The following RB1CC1 variants were observed in gnomAD, a reference collection of about 807,000 sequenced individuals.
RB1CC1 encodes the protein RB1 inducible coiled-coil 1, also known as RB1-inducible coiled-coil protein 1.
A neutral mutation model predicts 177.5 loss-of-function variants in RB1CC1; 46 were observed. The observed-to-expected ratio is 0.26, with a 90% CI of 0.20 to 0.33. RB1CC1 has a LOEUF of 0.33. Among genes scored for constraint, RB1CC1 ranks in the 10% least tolerant of loss-of-function variants. RB1CC1 has a pLI of 1.00. For synonymous variants in RB1CC1, 666 were observed against 613.6 expected (o/e 1.09, Z -1.26); for missense variants, 1,703 against 1,816.3 (o/e 0.94, Z 1.13).
chr8:52,667,934 G>T lies in RB1CC1; in HGVS notation c.1173+87C>A, dbSNP rs1852214436. On this transcript the variant is annotated intron_variant, in intron 8 of 23. Transcript: ENST00000025008. ...ATATTCAAGGAAAAAGTGAAAATAT[G>T]GTGCACACCAAATTGATACTGCATA... 5 of 1,264,808 alleles carry T rather than the reference G, an allele frequency of 4.0e-6. No individual in the cohort carries two copies. The South Asian group carries it at 6.8e-5, about 17-fold the overall frequency. 78.3% of individuals were successfully genotyped at this position (1,264,808 alleles called of 1,614,324 possible). A position where few individuals can be genotyped will look rare whatever the true frequency, so the allele number is the denominator to read the frequency against.
At position 52,628,117 on chromosome 8, in the gene RB1CC1, A is replaced by G; in HGVS notation, c.4551T>C (p.Asn1517=). The G allele has an allele frequency of 6.2e-7, 1 of 1,607,926 alleles. No individual in the cohort carries two copies. The highest frequency in any genetic ancestry group is 8.5e-7 in the Non-Finnish European group (1 of 1,175,034). ...TAGGACTAACAGTAAATAACACATAATTGTCATGGCGTTCGTCTAGGATGA... is the reference window on the plus strand; with the variant it reads ...TAGGACTAACAGTAAATAACACATAGTTGTCATGGCGTTCGTCTAGGATGA... ...VLIILDERHD[N]YVLFTVSPTL... Residue 1517 remains asparagine, a synonymous_variant, in exon 22 of 24, where the codon AAT becomes AAC. Coordinates refer to ENST00000025008, the MANE Select transcript of RB1CC1 (RefSeq NM_014781.5).
intron 5 of RB1CC1, among the ~76,000 whole-genome samples, chr8:52,679,890 G>A (rs1337085995): frequency 6.6e-6 from 1 of 152,078 alleles, no homozygotes; most frequent in African/African-American, 2.4e-5. Context: ...GAAAAAACGT[G>A]AGAAAAAGCC....
At chr8:52,696,048 G>GT (rs1156766381) in intron 1 of RB1CC1, among the ~76,000 whole-genome samples, 6 of 151,988 alleles carry the variant, frequency 3.9e-5, no homozygotes, top group African/African-American at 1.2e-4. Flanking sequence ...TCATACTATG[G>GT]TTTTTTTGTT....
chr8:52,683,207 T>C lies in RB1CC1; in HGVS notation c.369+342A>G, dbSNP rs373843926. On this transcript the variant is annotated intron_variant, in intron 5 of 23. Transcript: ENST00000025008. ...TAACCACAAATATGGAAAAAATAAA[T>C]ACATTTTTAGAGCTATTTAAGTTCT... 4.6e-5 allele frequency among the ~76,000 whole-genome samples: 7 copies of C among 152,256 alleles called. No homozygotes were observed. The East Asian group carries it at 5.8e-4, about 13-fold the overall frequency.
intron 7 of RB1CC1, among the ~76,000 whole-genome samples, chr8:52,673,572 A>G (rs1407933081): frequency 6.6e-6 from 1 of 152,164 alleles, no homozygotes; most frequent in Admixed American, 6.5e-5. Context: ...TCTTGCATGA[A>G]CCACTCAAGA....
Position 52,703,714 on chromosome 8 carries a change from C to CT in RB1CC1, c.-167+10360dup, listed in dbSNP as rs35580007. ...GAACATAAATAAATGCCCTGCTACA[C>CT]TTTTTTGCCACTTGCCAAATAACTT... On this transcript the variant is annotated intron_variant, in intron 1 of 23. Transcript: ENST00000025008. Among the ~76,000 whole-genome samples, 57 of 152,324 alleles carry CT rather than the reference C, an allele frequency of 3.7e-4. No individual in the cohort carries two copies. The East Asian group carries it at 8.3e-3, about 22-fold the overall frequency.
chr8:52,670,316 AC>A (rs1179586884), intron 7 of RB1CC1, among the ~76,000 whole-genome samples: 1 of 152,262 alleles, frequency 6.6e-6, no homozygotes, highest in Non-Finnish European at 1.5e-5. Flanking sequence ...GTTTTAAATT[AC>A]ATATATGTAA....
chr8:52,664,927 G>A (rs781444441), intron 8 of RB1CC1, among the ~76,000 whole-genome samples: 5 of 152,100 alleles, frequency 3.3e-5, no homozygotes, highest in Non-Finnish European at 7.4e-5. Flanking sequence ...CTGTTCAAGT[G>A]ATATAAAGCA....
At chr8:52,697,295 TAAAA>T (rs35428453) in intron 1 of RB1CC1, among the ~76,000 whole-genome samples, 8 of 87,928 alleles carry the variant, frequency 9.1e-5, no homozygotes, top group South Asian at 6.0e-4. Flanking sequence ...AAATGGTTAC[TAAAA>T]AAAAAAAAAA....
chr8:52,709,520 C>G (rs1856879525), intron 1 of RB1CC1, among the ~76,000 whole-genome samples: 1 of 152,202 alleles, frequency 6.6e-6, no homozygotes, highest in South Asian at 2.1e-4. Context: ...GGGTGGCTCA[C>G]TTCAGGCCAG....
chr8:52,663,501 A>C (rs1014098863), intron 8 of RB1CC1, among the ~76,000 whole-genome samples: 7 of 152,200 alleles, frequency 4.6e-5, no homozygotes, highest in African/African-American at 1.7e-4. Context: ...CCTTTCCACA[A>C]TTTCTTTTCC....
At chr8:52,671,217 A>G (rs1337944730) in intron 7 of RB1CC1, among the ~76,000 whole-genome samples, 1 of 152,204 alleles carries the variant, frequency 6.6e-6, no homozygotes, top group Non-Finnish European at 1.5e-5. Context: ...CCTAATTTCC[A>G]AAATACCTAT....
chr8:52,654,358 AAAG>A (rs879637143), intron 15 of RB1CC1, among the ~76,000 whole-genome samples: 5 of 152,208 alleles, frequency 3.3e-5, no homozygotes, highest in Non-Finnish European at 7.3e-5. Flanking sequence ...TTGCCAATGA[AAAG>A]AAGATGTGCA....
chr8:52,705,585 G>A (rs1034528484), intron 1 of RB1CC1, among the ~76,000 whole-genome samples: 4 of 152,038 alleles, frequency 2.6e-5, no homozygotes, highest in African/African-American at 9.7e-5. Context: ...TCTACTTCTG[G>A]GAGCAAAGAA....
rs758070663 is a variant in RB1CC1, at chr8:52,674,237, G to A, written c.610C>T (p.Leu204=). 1.2e-6 allele frequency: 2 copies of A among 1,611,524 alleles called. No homozygotes were observed. Among genetic ancestry groups the A allele is most frequent in the African/African-American group, 1.3e-5 (1 of 74,860 alleles). Residue 204 remains leucine (L), a synonymous_variant, in exon 7 of 24, where the codon CTG becomes TTG. Coordinates refer to ENST00000025008, the MANE Select transcript of RB1CC1 (RefSeq NM_014781.5). The part of the protein sequence containing the change: ...TAVSVMAKIP[L]LECLTRHSYR... Reference sequence around the variant, plus strand: ...CTATGTCTGGTTAGGCACTCCAACAGTGGAATCTTGGCCATTACTGAAACT... The same window carrying A: ...CTATGTCTGGTTAGGCACTCCAACAATGGAATCTTGGCCATTACTGAAACT...
chr8:52,642,652 G>A lies in RB1CC1; in HGVS notation c.4096+52C>T, dbSNP rs12115148. The A allele has an allele frequency of 6.7e-4, 1,061 of 1,588,246 alleles. 7 individuals are homozygous for A. The African/African-American group carries it at 0.013, about 20-fold the overall frequency. ...ATTAAAAAAACCACTTTGCATGAAT[G>A]TATCTTTTCCACTTTAAAAAATTAA... is the stretch of plus-strand genomic sequence containing the variant. On this transcript the variant is annotated intron_variant, in intron 17 of 23. Coordinates refer to ENST00000025008, the MANE Select transcript of RB1CC1 (RefSeq NM_014781.5).
intron 5 of RB1CC1, among the ~76,000 whole-genome samples, chr8:52,677,152 A>T (rs1591057683): frequency 2.6e-5 from 4 of 152,338 alleles, no homozygotes; most frequent in Admixed American, 2.6e-4. Context: ...TATATAAAGA[A>T]GTCCACTGTT....
At chr8:52,638,794 A>G (rs947662818) in intron 18 of RB1CC1, among the ~76,000 whole-genome samples, 57 of 152,214 alleles carry the variant, frequency 3.7e-4, no homozygotes, top group African/African-American at 1.3e-3. Context: ...CCTCTCACCA[A>G]TAGATCAACA....
chr8:52,649,577 A>G (rs1025541745), intron 15 of RB1CC1, among the ~76,000 whole-genome samples: 1 of 152,224 alleles, frequency 6.6e-6, no homozygotes, highest in Non-Finnish European at 1.5e-5. Flanking sequence ...CAGAGGTGGC[A>G]GTAAGCCGAG....
Sources: gnomAD v4.1 joint callset for allele counts (sites outside exome capture counted in the v4.1 genomes callset) on GRCh38, gnomAD v4.1.1 for gene constraint, MANE v1.5 for transcripts, NCBI Gene and HGNC (gene_info 2026-07-23, HGNC 2026-07-21) for gene names.